CMTM8: variants seen among roughly 807,000 people sequenced by gnomAD.
The protein encoded by CMTM8 is CKLF like MARVEL transmembrane domain containing 8.
In CMTM8, 12 loss-of-function variants were observed where a neutral mutation model predicts 18.6. The ratio of observed to expected loss-of-function variants is 0.65; its 90% confidence interval spans 0.41 to 1.05. The LOEUF (loss-of-function observed/expected upper bound fraction) is 1.05. Among genes scored for constraint, CMTM8 ranks in the 50% least tolerant of loss-of-function variants. The pLI, the probability that CMTM8 is intolerant of heterozygous loss-of-function variation, is 0.00. For missense variants in CMTM8, 217 were observed against 227.2 expected, an observed-to-expected ratio of 0.95 and a Z score of 0.29; for synonymous variants, 87 against 90.6, an observed-to-expected ratio of 0.96 and a Z score of 0.23.
chr3:32,289,485 T>G (rs945493293), intron 1 of CMTM8, among the ~76,000 whole-genome samples: 2 of 152,174 alleles, frequency 1.3e-5, no homozygotes, highest in Non-Finnish European at 1.5e-5. Flanking sequence ...AAAGGAGCCT[T>G]GAAGGATGGA....
At chr3:32,292,493 T>A (rs1392840282) in intron 1 of CMTM8, among the ~76,000 whole-genome samples, 2 of 152,174 alleles carry the variant, frequency 1.3e-5, no homozygotes, top group African/African-American at 4.8e-5. Context: ...TCCATCTACA[T>A]GGTTCAAAAG....
At chr3:32,319,322 G>A (rs965814099) in intron 1 of CMTM8, among the ~76,000 whole-genome samples, 7 of 150,456 alleles carry the variant, frequency 4.7e-5, no homozygotes, top group African/African-American at 9.8e-5. Context: ...CAGGTGATCC[G>A]CCCACCTCGG....
intron 1 of CMTM8, among the ~76,000 whole-genome samples, chr3:32,279,689 T>A (rs13089705): frequency 8.8e-3 from 726 of 82,804 alleles, no homozygotes; most frequent in Non-Finnish European, 0.014. Flanking sequence ...TTTGGGTATA[T>A]ACCCAGTAAT....
At chr3:32,345,153 G>C (rs561115054) in intron 1 of CMTM8, among the ~76,000 whole-genome samples, 16 of 152,182 alleles carry the variant, frequency 1.1e-4, no homozygotes, top group African/African-American at 3.6e-4. Context: ...AGACCAGCCT[G>C]GGCAGCATGG....
At chr3:32,347,910 C>G (rs928023361) in intron 1 of CMTM8, among the ~76,000 whole-genome samples, 14 of 152,116 alleles carry the variant, frequency 9.2e-5, no homozygotes, top group African/African-American at 3.4e-4. Context: ...TCACTCTGTT[C>G]CAGTCTGGTT....
At chr3:32,301,054 A>G (rs1008509198) in intron 1 of CMTM8, among the ~76,000 whole-genome samples, 2 of 152,162 alleles carry the variant, frequency 1.3e-5, no homozygotes, top group Non-Finnish European at 2.9e-5. Flanking sequence ...AATGGCTGAG[A>G]TTAATAAATT....
At chr3:32,305,046 C>T (rs985930702) in intron 1 of CMTM8, among the ~76,000 whole-genome samples, 2 of 152,120 alleles carry the variant, frequency 1.3e-5, no homozygotes, top group South Asian at 2.1e-4. Context: ...ATCTAAATCT[C>T]CCTTGGGCGG....
chr3:32,361,228 G>T lies in CMTM8; in HGVS notation c.321+3682G>T, dbSNP rs922444603. On this transcript the variant is annotated intron_variant, in intron 2 of 3. Transcript: ENST00000307526. ...ACTCCCCAACTCAGGTGATCCACCC[G>T]CCTCGGTCTCCCAAAGTACTGGGAT... Among the ~76,000 whole-genome samples, 13 of 148,548 alleles carry T rather than the reference G, an allele frequency of 8.8e-5. No individual in the cohort carries two copies. In the Admixed American group the frequency reaches 8.9e-4, roughly 10 times the overall value.
Position 32,361,292 on chromosome 3 carries a change from T to TTTTTTTGTTTTTTTTTG in CMTM8, c.321+3749_321+3750insTTTGTTTTTTTTTGTTT, listed in dbSNP as rs1553608180. Among the ~76,000 whole-genome samples the TTTTTTTGTTTTTTTTTG allele has an allele frequency of 2.6e-4, 38 of 146,118 alleles. 1 individual carries two copies. The highest frequency in any genetic ancestry group is 2.4e-3 in the Admixed American group (35 of 14,610). On this transcript the variant is annotated intron_variant, in intron 2 of 3. Transcript: ENST00000307526. Reference sequence around the variant, plus strand: ...CACGGCGCCCAGCCTAAGAGTTTTTTTTTCTTTCAAATTTTGGAAAGGTAA... The same window carrying TTTTTTTGTTTTTTTTTG: ...CACGGCGCCCAGCCTAAGAGTTTTTTTTTTTTGTTTTTTTTTGTTTCTTTCAAATTTTGGAAAGGTAA...
intron 1 of CMTM8, among the ~76,000 whole-genome samples, chr3:32,322,978 G>A (rs1221472572): frequency 6.6e-6 from 1 of 152,126 alleles, no homozygotes. Context: ...TGCTGTATAG[G>A]CTCTCTCCAT....
At chr3:32,301,882 T>C (rs549992677) in intron 1 of CMTM8, among the ~76,000 whole-genome samples, 1 of 152,304 alleles carries the variant, frequency 6.6e-6, no homozygotes, top group East Asian at 1.9e-4. Context: ...ATCACAGTAC[T>C]TTTGTTTTTG....
intron 1 of CMTM8, among the ~76,000 whole-genome samples, chr3:32,249,674 A>G (rs1025381988): frequency 1.3e-5 from 2 of 152,096 alleles, no homozygotes; most frequent in Admixed American, 6.5e-5. Context: ...TCATTTGTAC[A>G]TTTTCTTCAG....
At chr3:32,319,729 A>T (rs1696006026) in intron 1 of CMTM8, among the ~76,000 whole-genome samples, 1 of 152,208 alleles carries the variant, frequency 6.6e-6, no homozygotes. Flanking sequence ...TCACTTTAAT[A>T]GGCTAATAAA....
At chr3:32,276,282 G>A (rs569675095) in intron 1 of CMTM8, among the ~76,000 whole-genome samples, 5 of 152,260 alleles carry the variant, frequency 3.3e-5, no homozygotes, top group Non-Finnish European at 5.9e-5. Flanking sequence ...CAGTGAGGGG[G>A]TGCAGAGAAA....
intron 1 of CMTM8, among the ~76,000 whole-genome samples, chr3:32,287,824 G>A (rs1160767968): frequency 6.6e-6 from 1 of 152,154 alleles, no homozygotes; most frequent in African/African-American, 2.4e-5. Flanking sequence ...GAGTGAAGGA[G>A]ATAGGAAAAT....
At chr3:32,356,463 T>C (rs1289584230) in intron 1 of CMTM8, among the ~76,000 whole-genome samples, 1 of 152,226 alleles carries the variant, frequency 6.6e-6, no homozygotes, top group Non-Finnish European at 1.5e-5. Flanking sequence ...TTCCTTTTGC[T>C]TGATGAAGTC....
chr3:32,255,137 G>A (rs2125533932), intron 1 of CMTM8, among the ~76,000 whole-genome samples: 1 of 152,134 alleles, frequency 6.6e-6, no homozygotes, highest in Admixed American at 6.5e-5. Context: ...AGTCCATTGT[G>A]TAGAAATACC....
intron 1 of CMTM8, among the ~76,000 whole-genome samples, chr3:32,301,842 C>A (rs11707024): frequency 1.3e-5 from 2 of 152,126 alleles, no homozygotes; most frequent in African/African-American, 2.4e-5. Flanking sequence ...CATTTCGAGT[C>A]TGGCTAACCA....
At chr3:32,361,290 T>TTTTTTTGTTTTTTTGTTTTTTTG (rs1445278422) in intron 2 of CMTM8, among the ~76,000 whole-genome samples, 3 of 69,990 alleles carry the variant, frequency 4.3e-5, no homozygotes, top group Non-Finnish European at 6.8e-5. Flanking sequence ...CTAAGAGTTT[T>TTTTTTTGTTTTTTTGTTTTTTTG]TTTTTCTTTC....
Sources: gnomAD v4.1 joint callset for allele counts (sites outside exome capture counted in the v4.1 genomes callset) on GRCh38, gnomAD v4.1.1 for gene constraint, MANE v1.5 for transcripts, NCBI Gene and HGNC (gene_info 2026-07-23, HGNC 2026-07-21) for gene names.